Variants in PTPRN2 observed in about 807,000 individuals in gnomAD.
PTPRN2 encodes the protein protein tyrosine phosphatase receptor type N2, also known as receptor-type tyrosine-protein phosphatase N2.
A neutral mutation model predicts 118.8 loss-of-function variants in PTPRN2; 74 were observed. The observed-to-expected ratio is 0.62, with a 90% CI of 0.52 to 0.76. PTPRN2 has a LOEUF of 0.76. Ranked by LOEUF, PTPRN2 falls within the 30% of genes least tolerant of loss-of-function variation. PTPRN2 has a pLI of 0.00. For missense variants in PTPRN2, 1,481 were observed against 1,394.4 expected (o/e 1.06, Z -0.99); for synonymous variants, 641 against 608.0 (o/e 1.05, Z -0.80).
At chr7:157,834,290 A>C (rs1404884950) in intron 12 of PTPRN2, among the ~76,000 whole-genome samples, 1 of 141,822 alleles carries the variant, frequency 7.1e-6, no homozygotes, top group Non-Finnish European at 1.5e-5. Context: ...ACTCCCTGTG[A>C]TCAATCCATC....
chr7:158,168,099 A>G (rs574521343), intron 5 of PTPRN2, among the ~76,000 whole-genome samples: 7 of 152,302 alleles, frequency 4.6e-5, no homozygotes, highest in African/African-American at 1.7e-4. Context: ...ACCACAAACA[A>G]TCTCACCAGT....
chr7:158,394,741 T>A (rs780738555), intron 2 of PTPRN2, among the ~76,000 whole-genome samples: 1 of 152,210 alleles, frequency 6.6e-6, no homozygotes, highest in African/African-American at 2.4e-5. Context: ...ACAAGGACTG[T>A]AGGCAACTCA....
At chr7:157,730,038 G>T (rs1293399530) in intron 12 of PTPRN2, among the ~76,000 whole-genome samples, 1 of 152,182 alleles carries the variant, frequency 6.6e-6, no homozygotes, top group African/African-American at 2.4e-5. Flanking sequence ...AAGATTTAGA[G>T]AAAATGATTT....
At chr7:157,696,024 G>T in intron 12 of PTPRN2, among the ~76,000 whole-genome samples, 1 of 146,558 alleles carries the variant, frequency 6.8e-6, no homozygotes, top group Non-Finnish European at 1.5e-5. Context: ...TCTTGGCAGA[G>T]CCCTCACCAT....
rs377747521 is a variant in PTPRN2 at position 158,197,839 on chromosome 7, A to G, written c.381-5344T>C. 3.3e-5 allele frequency among the ~76,000 whole-genome samples: 5 copies of G among 152,194 alleles called. No individual in the cohort carries two copies. The East Asian group carries it at 9.6e-4, about 29-fold the overall frequency. ...ATGGAGACAGCCACCTCCATGATTC[A>G]ATTACCTCCCACTGGGTCCCTCCCA... On this transcript the variant is annotated intron_variant, in intron 4 of 22. Coordinates refer to ENST00000389418, the MANE Select transcript of PTPRN2 (RefSeq NM_002847.5).
chr7:157,876,702 T>C lies in PTPRN2; in HGVS notation c.1788+21971A>G, dbSNP rs1795787060. ...ACTGCACCCCAAGAGTGAGGATGGG[T>C]CGGGGGCAGCGGGAATGGTGCTCTA... On this transcript the variant is annotated intron_variant, in intron 12 of 22. Transcript: ENST00000389418. Among the ~76,000 whole-genome samples the C allele has an allele frequency of 3.3e-5, 5 of 152,122 alleles. No homozygotes were observed. The South Asian group carries it at 1.0e-3, about 32-fold the overall frequency.
chr7:158,458,977 A>G (rs1281118043), intron 2 of PTPRN2, among the ~76,000 whole-genome samples: 1 of 152,206 alleles, frequency 6.6e-6, no homozygotes, highest in Non-Finnish European at 1.5e-5. Context: ...TGGGGAAGAC[A>G]CGAGAGGCAG....
rs532811289 is a variant in PTPRN2 at position 157,540,472 on chromosome 7, G to A, written c.*242C>T. 5 of 390,278 alleles carry A rather than the reference G, an allele frequency of 1.3e-5. No homozygotes were observed. The highest frequency in any genetic ancestry group is 2.3e-5 in the Non-Finnish European group (5 of 219,060). 24.2% of individuals were successfully genotyped at this position (390,278 alleles called of 1,614,324 possible). On this transcript the variant is annotated 3_prime_UTR_variant, in exon 23 of 23. Transcript: ENST00000389418. ...CTTTAAGAAAAAGTATTTTTTTTAA[G>A]CAAGTGAAAATTGATGAACCGATTC...
intron 2 of PTPRN2, among the ~76,000 whole-genome samples, chr7:158,370,032 C>T (rs73512163): frequency 0.02 from 3,061 of 152,214 alleles, 113 homozygotes; most frequent in African/African-American, 0.07. Context: ...CGAAAGCCAC[C>T]GTGAACAGGA....
rs1326532499 is a variant in PTPRN2 at position 157,710,477 on chromosome 7, G to A, written c.1789-27540C>T. Among the ~76,000 whole-genome samples, 12 of 139,436 alleles carry A rather than the reference G, an allele frequency of 8.6e-5. No individual in the cohort carries two copies. The East Asian group carries it at 1.7e-3, about 19-fold the overall frequency. The allele number at this position is 139,436 out of a possible 152,430, so 91.5% of individuals were successfully genotyped here. On this transcript the variant is annotated intron_variant, in intron 12 of 22. Coordinates refer to ENST00000389418, the MANE Select transcript of PTPRN2 (RefSeq NM_002847.5). ...AAAAAATCACCCAAGCTGCCTAACC[G>A]CCCCCACCCCCCCGCCCCGTGGCAC... is the stretch of plus-strand genomic sequence containing the variant.
Position 158,211,808 on chromosome 7 carries a change from G to A in PTPRN2, c.278-6535C>T, listed in dbSNP as rs542810323. On this transcript the variant is annotated intron_variant, in intron 3 of 22. Transcript: ENST00000389418. Reference sequence around the variant, plus strand: ...TACAACTATTATGGAGAGTAGTTTGGAGGTTCCTTAAAAAGCTGAAAATAG... The same window carrying A: ...TACAACTATTATGGAGAGTAGTTTGAAGGTTCCTTAAAAAGCTGAAAATAG... 1.4e-4 allele frequency among the ~76,000 whole-genome samples: 21 copies of A among 152,294 alleles called. No individual in the cohort carries two copies. In the South Asian group the frequency reaches 4.1e-3, roughly 30 times the overall value.
At chr7:158,376,664 G>A (rs1371482121) in intron 2 of PTPRN2, among the ~76,000 whole-genome samples, 1 of 121,496 alleles carries the variant, frequency 8.2e-6, no homozygotes, top group Non-Finnish European at 1.7e-5. Flanking sequence ...TGCATGCGGG[G>A]TCAGGGGACT....
chr7:158,564,984 C>T (rs1030004465), intron 1 of PTPRN2, among the ~76,000 whole-genome samples: 11 of 152,108 alleles, frequency 7.2e-5, no homozygotes, highest in African/African-American at 4.8e-5. Context: ...GGAGACCCTG[C>T]GCAGGCCCTG....
At chr7:158,103,671 A>C (rs942613829) in intron 10 of PTPRN2, among the ~76,000 whole-genome samples, 2 of 152,108 alleles carry the variant, frequency 1.3e-5, no homozygotes, top group African/African-American at 4.8e-5. Context: ...GGCAGGGATG[A>C]GTGTTCCCCT....
intron 11 of PTPRN2, among the ~76,000 whole-genome samples, chr7:158,046,530 T>A (rs1234407950): frequency 6.6e-6 from 1 of 152,216 alleles, no homozygotes; most frequent in Non-Finnish European, 1.5e-5. Flanking sequence ...ACTGAGGCAA[T>A]CCCGCGATTT....
At chr7:158,056,276 C>T (rs1809785860) in intron 11 of PTPRN2, among the ~76,000 whole-genome samples, 1 of 152,138 alleles carries the variant, frequency 6.6e-6, no homozygotes, top group African/African-American at 2.4e-5. Flanking sequence ...GCCATCACAG[C>T]ATGGCCACCA....
chr7:157,838,325 G>A (rs1230915313), intron 12 of PTPRN2, among the ~76,000 whole-genome samples: 27 of 133,616 alleles, frequency 2.0e-4, no homozygotes, highest in East Asian at 4.6e-4. Context: ...GCTCCTCTCC[G>A]CCGTGCCTAC....
In PTPRN2 at chr7:157,656,472, G is replaced by A. The variant is rs1237686020; in HGVS notation, c.2081C>T (p.Ser694Leu). ...GPHTSRISSV[S>L]SQFSDGPIPS... Reference sequence around the variant, plus strand: ...GATCGGCCCGTCGCTGAACTGGGATGAGACGCTGCTGATGCGTGACGTGTG... The same window carrying A: ...GATCGGCCCGTCGCTGAACTGGGATAAGACGCTGCTGATGCGTGACGTGTG... The change falls in exon 14 of 23, where the codon TCA becomes TTA. Residue 694 changes from serine (S) to leucine (L), a missense_variant. Physicochemically the swap from Ser to Leu is moderately radical, Grantham distance 145. Around this residue, in one of 3 missense-constraint regions of PTPRN2, gnomAD observed 1,115 missense variants for 994.2 expected, o/e 1.12. Coordinates refer to ENST00000389418, the MANE Select transcript of PTPRN2 (RefSeq NM_002847.5). 1 of 1,555,718 alleles carries A rather than the reference G, an allele frequency of 6.4e-7. No homozygotes were observed. The highest frequency in any genetic ancestry group is 1.2e-5 in the South Asian group (1 of 84,702).
At position 158,343,648 on chromosome 7, in the gene PTPRN2, A is replaced by C. The variant is rs13312354; in HGVS notation, c.164-26716T>G. Among the ~76,000 whole-genome samples, 604 of 74,946 alleles carry C rather than the reference A, an allele frequency of 8.1e-3. 3 individuals are homozygous for C. Among genetic ancestry groups the C allele is most frequent in the African/African-American group, 0.016 (271 of 16,900 alleles). 49.2% of individuals were successfully genotyped at this position (74,946 alleles called of 152,430 possible). On this transcript the variant is annotated intron_variant, in intron 2 of 22. Coordinates refer to ENST00000389418, the MANE Select transcript of PTPRN2 (RefSeq NM_002847.5). The stretch of plus-strand genomic sequence containing the variant: ...GACTGCTCCCGGTGGAATCAGCCCC[A>C]TTTCTGATTTTACACCCAACACCTG...
Sources: gnomAD v4.1 joint callset for allele counts (sites outside exome capture counted in the v4.1 genomes callset) on GRCh38, gnomAD v4.1.1 for gene constraint, gnomAD v4.1.1 regional missense constraint, MANE v1.5 for transcripts, NCBI Gene and HGNC (gene_info 2026-07-23, HGNC 2026-07-21) for gene names.